The following RHOBTB1 variants were observed in gnomAD, a reference collection of about 807,000 sequenced individuals.
The protein encoded by RHOBTB1 is rho-related BTB domain-containing protein 1.
RHOBTB1 carries 40 observed loss-of-function variants against 71.6 expected under a neutral mutation model. The ratio of observed to expected loss-of-function variants is 0.56; its 90% CI spans 0.43 to 0.73. RHOBTB1 has a LOEUF of 0.73. Ranked by LOEUF, RHOBTB1 falls within the 30% of genes least tolerant of loss-of-function variation. The pLI, the probability that RHOBTB1 is intolerant of heterozygous loss-of-function variation, is 0.00. For synonymous variants in RHOBTB1, 319 were observed against 334.9 expected (o/e 0.95, Z 0.52); for missense variants, 797 against 894.0 (o/e 0.89, Z 1.38).
intron 2 of RHOBTB1, among the ~76,000 whole-genome samples, chr10:60,953,606 CTGT>C (rs1439419743): frequency 6.6e-6 from 1 of 150,868 alleles, no homozygotes; most frequent in East Asian, 1.9e-4. Context: ...TCTATCACAC[CTGT>C]TGTTTTTATA....
intron 4 of RHOBTB1, among the ~76,000 whole-genome samples, chr10:60,904,568 C>T (rs940068758): frequency 6.6e-6 from 1 of 152,170 alleles, no homozygotes; most frequent in African/African-American, 2.4e-5. Flanking sequence ...AAAGCTCTCT[C>T]TCTAATCGTC....
At chr10:60,934,445 G>A (rs2134040631) in intron 2 of RHOBTB1, among the ~76,000 whole-genome samples, 1 of 152,274 alleles carries the variant, frequency 6.6e-6, no homozygotes, top group Middle Eastern at 3.4e-3. Context: ...CCTGTTGAAT[G>A]CTAGGTACAG....
chr10:60,998,636 A>G (rs2087143980), intron 1 of RHOBTB1, among the ~76,000 whole-genome samples: 1 of 152,180 alleles, frequency 6.6e-6, no homozygotes, highest in Admixed American at 6.5e-5. Context: ...GGGTGGAAAA[A>G]GGGGAAGGGA....
chr10:60,867,632 G>C (rs182030959), downstream of RHOBTB1, among the ~76,000 whole-genome samples: 1 of 152,288 alleles, frequency 6.6e-6, no homozygotes. Flanking sequence ...ATATTTCATA[G>C]ACTACAGTCT....
chr10:60,871,511 A>G lies in RHOBTB1; in HGVS notation c.2062T>C (p.Phe688Leu). The G allele has an allele frequency of 6.2e-7, 1 of 1,614,076 alleles. No homozygotes were observed. The highest frequency in any genetic ancestry group is 8.5e-7 in the Non-Finnish European group (1 of 1,179,978). ...GCCACTGCTGGAGATGAATTCCAGA[A>G]GCACCACTTTCGTCTTGAGCGATGC... is the stretch of plus-strand genomic sequence containing the variant. ...NKHRSRRKWC[F>L]WNSSPAVA The change falls in exon 11 of 11, where the codon TTC becomes CTC. Residue 688 changes from phenylalanine to leucine, a missense_variant. Phe to Leu is a conservative substitution (Grantham distance 22). This residue lies in a region of RHOBTB1 where 658 missense variants were observed against 681.5 expected (regional missense o/e 0.97). Transcript: ENST00000337910.
At chr10:60,923,267 C>T (rs1442753210) in intron 2 of RHOBTB1, among the ~76,000 whole-genome samples, 1 of 152,028 alleles carries the variant, frequency 6.6e-6, no homozygotes, top group Non-Finnish European at 1.5e-5. Context: ...GATAAACATG[C>T]TATATAAAAC....
intron 2 of RHOBTB1, among the ~76,000 whole-genome samples, chr10:60,940,534 G>C (rs1011329563): frequency 3.9e-5 from 6 of 152,162 alleles, no homozygotes; most frequent in Non-Finnish European, 8.8e-5. Context: ...GAAAAATCCA[G>C]TACTTTTAAA....
chr10:60,967,489 T>C (rs2086011344), intron 2 of RHOBTB1, among the ~76,000 whole-genome samples: 2 of 151,928 alleles, frequency 1.3e-5, no homozygotes, highest in African/African-American at 4.8e-5. Context: ...AGGAACACAT[T>C]GTTCCCTCAA....
At chr10:60,986,433 A>ATATATAT (rs35572813) in intron 1 of RHOBTB1, among the ~76,000 whole-genome samples, 2 of 136,402 alleles carry the variant, frequency 1.5e-5, no homozygotes, top group African/African-American at 2.8e-5. Context: ...ATATATATAA[A>ATATATAT]ATATATATAG....
At chr10:60,866,664 G>A (rs2080636459), downstream of RHOBTB1, among the ~76,000 whole-genome samples, 1 of 152,070 alleles carries the variant, frequency 6.6e-6, no homozygotes, top group Non-Finnish European at 1.5e-5. Context: ...GCTCAGCCCA[G>A]AAGTGGGCTG....
intron 1 of RHOBTB1, among the ~76,000 whole-genome samples, chr10:61,001,055 T>C (rs1477662147): frequency 6.6e-6 from 1 of 151,556 alleles, no homozygotes; most frequent in Non-Finnish European, 1.5e-5. Flanking sequence ...TGTGTGTGTG[T>C]GTGTGAGTGC....
Position 60,888,288 on chromosome 10 carries a change from G to T in RHOBTB1, c.1380C>A (p.Asn460Lys). ...CGTGAAAGGCTTTCGTAATCTCCTGGTTCATGAAGGCTTCCTTGTTCATGA... is the reference window on the plus strand; with the variant it reads ...CGTGAAAGGCTTTCGTAATCTCCTGTTTCATGAAGGCTTCCTTGTTCATGA... ...ENIMNKEAFMNQEITKAFHVR... is the reference protein window; with the variant it reads ...ENIMNKEAFMKQEITKAFHVR... The change falls in exon 6 of 11, where the codon AAC becomes AAA. Residue 460 changes from asparagine (N) to lysine (K), a missense_variant. This residue lies in a region of RHOBTB1 where 658 missense variants were observed against 681.5 expected (regional missense o/e 0.97). Coordinates refer to ENST00000337910, the MANE Select transcript of RHOBTB1 (RefSeq NM_014836.5). 1.2e-6 allele frequency: 2 copies of T among 1,613,996 alleles called. No individual in the cohort carries two copies. The highest frequency in any genetic ancestry group is 1.7e-6 in the Non-Finnish European group (2 of 1,179,978).
upstream of RHOBTB1, among the ~76,000 whole-genome samples, chr10:60,945,386 GTGT>G (rs2085181335): frequency 6.6e-6 from 1 of 152,176 alleles, no homozygotes; most frequent in Non-Finnish European, 1.5e-5. Flanking sequence ...CTCAGGTAAT[GTGT>G]TCCTAAGATA....
intron 1 of RHOBTB1, among the ~76,000 whole-genome samples, chr10:60,991,783 A>G (rs1200241803): frequency 1.3e-5 from 2 of 151,924 alleles, no homozygotes; most frequent in Admixed American, 6.6e-5. Context: ...GGACTTCCCC[A>G]TGTAGCATGC....
intron 2 of RHOBTB1, among the ~76,000 whole-genome samples, chr10:60,977,753 T>C (rs1249896897): frequency 6.6e-6 from 1 of 152,152 alleles, no homozygotes; most frequent in African/African-American, 2.4e-5. Context: ...TCAGAATTTA[T>C]GTAGATTTAA....
rs1250277058 is a variant in RHOBTB1, at chr10:60,869,512, T to A, written c.*1970A>T. The A allele has an allele frequency of 6.5e-6, 1 of 152,674 alleles. No individual in the cohort carries two copies. Among genetic ancestry groups the A allele is most frequent in the Non-Finnish European group, 1.5e-5 (1 of 68,044 alleles). 9.5% of individuals were successfully genotyped at this position (152,674 alleles called of 1,614,324 possible). A position where few individuals can be genotyped will look rare whatever the true frequency, so the allele number is the denominator to read the frequency against. On this transcript the variant is annotated 3_prime_UTR_variant, in exon 11 of 11. Coordinates refer to ENST00000337910, the MANE Select transcript of RHOBTB1 (RefSeq NM_014836.5). ...AACAAACCACCATGGTTAAAGGCCA[T>A]AATCAGCATCAACCAAATGAACCAG...
At chr10:60,999,259 G>A (rs995353849) in intron 1 of RHOBTB1, among the ~76,000 whole-genome samples, 15 of 149,284 alleles carry the variant, frequency 1.0e-4, no homozygotes, top group African/African-American at 3.7e-4. Context: ...GAAATGAAAA[G>A]AAAAGTCCAC....
chr10:60,879,992 C>T (rs2081242364), intron 7 of RHOBTB1, among the ~76,000 whole-genome samples: 2 of 152,106 alleles, frequency 1.3e-5, no homozygotes, highest in Admixed American at 1.3e-4. Flanking sequence ...ACTACTTACA[C>T]AGCATTTGCA....
At chr10:60,917,917 T>C (rs574455037) in intron 2 of RHOBTB1, among the ~76,000 whole-genome samples, 1 of 152,338 alleles carries the variant, frequency 6.6e-6, no homozygotes, top group Admixed American at 6.5e-5. Context: ...ACTAATTTAC[T>C]TTTTTCTCTG....
Sources: allele counts gnomAD v4.1 joint callset (sites outside exome capture counted in the v4.1 genomes callset), GRCh38; gene constraint gnomAD v4.1.1; regional missense constraint gnomAD v4.1.1; transcripts MANE v1.5; gene names NCBI Gene and HGNC (gene_info 2026-07-23, HGNC 2026-07-21).